AFF3: variants seen among roughly 807,000 people sequenced by gnomAD.
AFF3 encodes the protein ALF transcription elongation factor 3.
A neutral mutation model predicts 129.7 loss-of-function variants in AFF3; 32 were observed. The observed-to-expected ratio is 0.25, with a 90% CI of 0.19 to 0.33. AFF3 has a LOEUF of 0.33. Ranked by LOEUF, AFF3 falls within the 10% of genes least tolerant of loss-of-function variation. The pLI is 1.00. For missense variants in AFF3, 1,373 were observed against 1,592.0 expected (o/e 0.86, Z 2.34); for synonymous variants, 644 against 635.4 (o/e 1.01, Z -0.20).
intron 7 of AFF3, among the ~76,000 whole-genome samples, chr2:99,959,497 C>T (rs1677014601): frequency 6.6e-6 from 1 of 151,388 alleles, no homozygotes; most frequent in African/African-American, 2.4e-5. Flanking sequence ...ACACATATTT[C>T]CAAGGCATAT....
chr2:99,636,634 G>C (rs1683684750), intron 13 of AFF3, among the ~76,000 whole-genome samples: 2 of 152,216 alleles, frequency 1.3e-5, no homozygotes, highest in African/African-American at 4.8e-5. Flanking sequence ...CAGGCATGCA[G>C]ATGGCTGGAG....
chr2:100,019,526 C>T (rs1370497573), intron 4 of AFF3, among the ~76,000 whole-genome samples: 1 of 152,176 alleles, frequency 6.6e-6, no homozygotes, highest in African/African-American at 2.4e-5. Context: ...AATAAGCTCA[C>T]TAATGTACCT....
intron 13 of AFF3, among the ~76,000 whole-genome samples, chr2:99,639,901 C>CA (rs1684027632): frequency 6.6e-6 from 1 of 151,912 alleles, no homozygotes; most frequent in South Asian, 2.1e-4. Context: ...CCATGTTGGC[C>CA]AGGCTGGTCT....
chr2:100,023,230 C>T (rs1035918700), intron 4 of AFF3, among the ~76,000 whole-genome samples: 19 of 152,186 alleles, frequency 1.2e-4, no homozygotes, highest in South Asian at 2.1e-4. Flanking sequence ...ATAAACAATA[C>T]GTGAGATTTG....
At chr2:99,799,929 A>G (rs1685811920) in intron 8 of AFF3, among the ~76,000 whole-genome samples, 1 of 152,202 alleles carries the variant, frequency 6.6e-6, no homozygotes, top group Non-Finnish European at 1.5e-5. Flanking sequence ...CACACTTCAC[A>G]ATGAATCTTA....
At chr2:100,016,252 G>GTGGT (rs1413325129) in intron 4 of AFF3, among the ~76,000 whole-genome samples, 1 of 151,476 alleles carries the variant, frequency 6.6e-6, no homozygotes, top group African/African-American at 2.4e-5. Context: ...GGTGATGGCA[G>GTGGT]TGGTAGTGGT....
chr2:100,105,871 C>G lies in AFF3; in HGVS notation c.-144-288G>C. 3 of 1,334,168 alleles carry G rather than the reference C, an allele frequency of 2.2e-6. No individual in the cohort carries two copies. In the South Asian group the frequency reaches 3.7e-5, roughly 16 times the overall value. The allele number at this position is 1,334,168 out of a possible 1,614,324, so 82.6% of individuals were successfully genotyped here. A position where few individuals can be genotyped will look rare whatever the true frequency, so the allele number is the denominator to read the frequency against. ...CTGCAGTTGTGCCTCACCACGCGAA[C>G]CAAACCTCGCACTCCCCGCCAAAAG... On this transcript the variant is annotated intron_variant, in intron 2 of 24. Transcript: ENST00000672756.
chr2:99,601,637 G>T lies in AFF3; in HGVS notation c.1185-16C>A. ...GACCACGGCGCTGCCAGCCCGCGAG[G>T]CCCCCGGGAAGCAGAGGGAAGGAAA... On this transcript the variant is annotated splice_polypyrimidine_tract_variant and intron_variant, in intron 13 of 24. Coordinates refer to ENST00000672756, the MANE Select transcript of AFF3 (RefSeq NM_001386135.1). The T allele has an allele frequency of 6.3e-7, 1 of 1,585,342 alleles. No homozygotes were observed. The highest frequency in any genetic ancestry group is 8.5e-7 in the Non-Finnish European group (1 of 1,171,878).
chr2:99,672,483 G>A, intron 12 of AFF3, 55 bp downstream of exon 12: 1 of 1,568,798 alleles, frequency 6.4e-7, no homozygotes, highest in Admixed American at 1.7e-5. Flanking sequence ...CAGTCCACCA[G>A]GTAACTGTTA....
chr2:99,858,153 C>T (rs1018158816), intron 7 of AFF3, among the ~76,000 whole-genome samples: 1 of 152,188 alleles, frequency 6.6e-6, no homozygotes, highest in Non-Finnish European at 1.5e-5. Context: ...GGAGGACTGA[C>T]TTGCAGATCA....
At chr2:100,026,770 G>A (rs937710467) in intron 4 of AFF3, among the ~76,000 whole-genome samples, 1 of 150,254 alleles carries the variant, frequency 6.7e-6, no homozygotes, top group African/African-American at 2.4e-5. Context: ...ATGAATTAAC[G>A]ACATTTGCAG....
chr2:100,126,655 A>G (rs1330859225), intron 2 of AFF3, among the ~76,000 whole-genome samples: 2 of 152,226 alleles, frequency 1.3e-5, no homozygotes, highest in Non-Finnish European at 2.9e-5. Context: ...AATACTTGTC[A>G]TAATTATTTT....
chr2:99,695,976 A>C (rs201798664), intron 11 of AFF3, among the ~76,000 whole-genome samples: 15 of 25,002 alleles, frequency 6.0e-4, no homozygotes, highest in Middle Eastern at 0.05. Flanking sequence ...AGAAAAAACC[A>C]AAAAAAAAAA....
At chr2:100,122,736 A>G (rs1023743704) in intron 2 of AFF3, among the ~76,000 whole-genome samples, 5 of 152,252 alleles carry the variant, frequency 3.3e-5, no homozygotes, top group African/African-American at 9.6e-5. Context: ...GTTTTCTAAA[A>G]TGAGCATTTC....
At chr2:99,973,517 G>A (rs17023326) in intron 7 of AFF3, among the ~76,000 whole-genome samples, 3,127 of 152,126 alleles carry the variant, frequency 0.021, 117 homozygotes, top group African/African-American at 0.071. Context: ...GGTTTATTCC[G>A]TTTTGTGCAC....
intron 4 of AFF3, among the ~76,000 whole-genome samples, chr2:100,042,673 C>T (rs1021914315): frequency 1.3e-5 from 2 of 152,104 alleles, no homozygotes; most frequent in African/African-American, 2.4e-5. Flanking sequence ...ACATATCAAA[C>T]GTGAATAAAT....
intron 1 of AFF3, among the ~76,000 whole-genome samples, chr2:100,132,437 G>T (rs890512090): frequency 5.3e-5 from 8 of 152,054 alleles, no homozygotes; most frequent in Non-Finnish European, 1.0e-4. Flanking sequence ...AAAAGACAAA[G>T]AATGTAGTTA....
intron 4 of AFF3, among the ~76,000 whole-genome samples, chr2:100,011,227 TTG>T (rs1682515009): frequency 6.6e-6 from 1 of 152,160 alleles, no homozygotes. Context: ...TGAGCCGAGA[TTG>T]CGCCACTGCA....
chr2:100,047,006 G>A (rs994898364), intron 4 of AFF3, among the ~76,000 whole-genome samples: 11 of 115,028 alleles, frequency 9.6e-5, no homozygotes, highest in African/African-American at 3.7e-4. Flanking sequence ...TTAAGAGTAA[G>A]ACTTTAAAAA....
Sources: gnomAD v4.1 joint callset for allele counts (sites outside exome capture counted in the v4.1 genomes callset) on GRCh38, gnomAD v4.1.1 for gene constraint, MANE v1.5 for transcripts, NCBI Gene and HGNC (gene_info 2026-07-23, HGNC 2026-07-21) for gene names.